Variants in NUDCD3 observed in about 807,000 individuals in gnomAD.
The protein encoded by NUDCD3 is nudC domain-containing protein 3.
In NUDCD3, 13 loss-of-function variants were observed where a neutral mutation model predicts 39.7. That is an observed-to-expected ratio of 0.33 (90% confidence interval 0.21 to 0.52). The LOEUF is 0.52. Ranked by LOEUF, NUDCD3 falls within the 20% of genes least tolerant of loss-of-function variation. The pLI is 0.96. For missense variants in NUDCD3, 453 were observed against 458.1 expected, an observed-to-expected ratio of 0.99 and a Z score of 0.10; for synonymous variants, 175 against 172.4, an observed-to-expected ratio of 1.02 and a Z score of -0.12.
intron 2 of NUDCD3, among the ~76,000 whole-genome samples, chr7:44,469,447 A>T (rs1229932344): frequency 7.9e-5 from 12 of 152,220 alleles, no homozygotes; most frequent in Non-Finnish European, 1.8e-4. Context: ...AGAGAATGAT[A>T]AAAATAGAAA....
intron 4 of NUDCD3, chr7:44,402,859 C>T (rs1053595114): frequency 3.4e-5 from 12 of 349,894 alleles, no homozygotes; most frequent in South Asian, 1.5e-4. Context: ...GCAAGCTAGC[C>T]GGCCCCAGTA....
At chr7:44,386,702 A>G (rs905770222) in intron 5 of NUDCD3, among the ~76,000 whole-genome samples, 4 of 152,346 alleles carry the variant, frequency 2.6e-5, no homozygotes, top group Admixed American at 6.5e-5. Flanking sequence ...CCCGTCAGTC[A>G]GGAATTCCCC....
chr7:44,482,915 C>CT (rs1800521432), intron 2 of NUDCD3, among the ~76,000 whole-genome samples: 1 of 152,080 alleles, frequency 6.6e-6, no homozygotes, highest in African/African-American at 2.4e-5. Context: ...CAAGGGGAAC[C>CT]TGCAGGGCTA....
intron 2 of NUDCD3, among the ~76,000 whole-genome samples, chr7:44,432,677 A>C (rs1287699135): frequency 2.6e-5 from 4 of 152,206 alleles, no homozygotes; most frequent in Non-Finnish European, 4.4e-5. Context: ...TGTCTCTTGC[A>C]ATCAATCCTG....
intron 3 of NUDCD3, among the ~76,000 whole-genome samples, chr7:44,407,921 A>G (rs1798859383): frequency 6.6e-6 from 1 of 152,192 alleles, no homozygotes; most frequent in Non-Finnish European, 1.5e-5. Context: ...CAGTAATAAG[A>G]TAATTTTCCA....
intron 3 of NUDCD3, chr7:44,426,014 G>A (rs532314084): frequency 1.1e-5 from 5 of 458,418 alleles, no homozygotes; most frequent in East Asian, 3.1e-4. Flanking sequence ...TTAGCATGCG[G>A]TACTTATAGG....
intron 2 of NUDCD3, among the ~76,000 whole-genome samples, chr7:44,440,775 T>G (rs1401041360): frequency 6.6e-6 from 1 of 152,148 alleles, no homozygotes; most frequent in East Asian, 1.9e-4. Flanking sequence ...TCCTCATCTA[T>G]AAAATGGGAA....
intron 3 of NUDCD3, among the ~76,000 whole-genome samples, chr7:44,415,007 G>A (rs769230468): frequency 6.6e-6 from 1 of 152,182 alleles, no homozygotes; most frequent in Non-Finnish European, 1.5e-5. Context: ...CAATCTATGA[G>A]AGGAAGAAGA....
At chr7:44,479,433 C>T (rs1800443963) in intron 2 of NUDCD3, among the ~76,000 whole-genome samples, 1 of 152,068 alleles carries the variant, frequency 6.6e-6, no homozygotes, top group African/African-American at 2.4e-5. Context: ...CCCAGAAGTT[C>T]GAGTTCAGCC....
chr7:44,416,770 T>C (rs900089228), intron 3 of NUDCD3, among the ~76,000 whole-genome samples: 4 of 152,184 alleles, frequency 2.6e-5, no homozygotes, highest in African/African-American at 9.7e-5. Context: ...TCCTGATACT[T>C]ATAACCAAAC....
intron 2 of NUDCD3, among the ~76,000 whole-genome samples, chr7:44,427,940 C>G (rs901880196): frequency 6.6e-6 from 1 of 151,902 alleles, no homozygotes; most frequent in African/African-American, 2.4e-5. Flanking sequence ...GAAAAGAAAC[C>G]CCAGTGCAGC....
intron 2 of NUDCD3, among the ~76,000 whole-genome samples, chr7:44,432,269 G>A (rs1401613312): frequency 6.6e-6 from 1 of 152,178 alleles, no homozygotes; most frequent in Non-Finnish European, 1.5e-5. Context: ...ATGACAGAAT[G>A]AGACCCTGTC....
intron 2 of NUDCD3, among the ~76,000 whole-genome samples, chr7:44,436,687 T>TC (rs1463791032): frequency 6.6e-6 from 1 of 152,254 alleles, no homozygotes; most frequent in African/African-American, 2.4e-5. Context: ...GCTGAACAGC[T>TC]CTTCATATAC....
chr7:44,480,087 C>G (rs113862354), intron 2 of NUDCD3, among the ~76,000 whole-genome samples: 89 of 152,226 alleles, frequency 5.8e-4, no homozygotes, highest in South Asian at 1.2e-3. Context: ...GAAACATATC[C>G]AAGTCTTCAC....
At chr7:44,408,788 C>A (rs997434140) in intron 3 of NUDCD3, among the ~76,000 whole-genome samples, 1 of 152,204 alleles carries the variant, frequency 6.6e-6, no homozygotes, top group Non-Finnish European at 1.5e-5. Context: ...CCCCACTCTC[C>A]AGGCTCTCAG....
intron 2 of NUDCD3, among the ~76,000 whole-genome samples, chr7:44,483,944 T>C (rs912400984): frequency 6.6e-6 from 1 of 152,084 alleles, no homozygotes; most frequent in Non-Finnish European, 1.5e-5. Flanking sequence ...AGAGTTCAAT[T>C]CATATATTGC....
chr7:44,447,239 A>G (rs991931548), intron 2 of NUDCD3, among the ~76,000 whole-genome samples: 7 of 152,242 alleles, frequency 4.6e-5, no homozygotes, highest in Non-Finnish European at 1.5e-5. Flanking sequence ...GACAAAACCA[A>G]AAGTCTCCAG....
In NUDCD3 at chr7:44,482,711, T is replaced by C. The variant is rs140694448; in HGVS notation, c.509+2257A>G. On this transcript the variant is annotated intron_variant, in intron 2 of 5. Coordinates refer to ENST00000355451, the MANE Select transcript of NUDCD3 (RefSeq NM_015332.4). The stretch of plus-strand genomic sequence containing the variant: ...GCATAACATCCATTAATGTCTAGCA[T>C]CCAATAAAAAATTATCAGACATTTG... 5.9e-5 allele frequency among the ~76,000 whole-genome samples: 9 copies of C among 152,194 alleles called. No homozygotes were observed. The East Asian group carries it at 1.7e-3, about 29-fold the overall frequency.
At chr7:44,429,979 T>C (rs1359606729) in intron 2 of NUDCD3, among the ~76,000 whole-genome samples, 4 of 152,242 alleles carry the variant, frequency 2.6e-5, no homozygotes, top group Admixed American at 2.6e-4. Flanking sequence ...CTTTTAAGTA[T>C]GGTATGACTT....
Sources: gnomAD v4.1 joint callset for allele counts (sites outside exome capture counted in the v4.1 genomes callset) on GRCh38, gnomAD v4.1.1 for gene constraint, MANE v1.5 for transcripts, NCBI Gene and HGNC (gene_info 2026-07-23, HGNC 2026-07-21) for gene names.